The following C4orf50 variants were observed in gnomAD, a reference collection of about 807,000 sequenced individuals.
C4orf50 encodes uncharacterized protein C4orf50.
A neutral mutation model predicts 77.2 loss-of-function variants in C4orf50; 80 were observed. The observed-to-expected ratio is 1.04, with a 90% confidence interval of 0.87 to 1.25. C4orf50 has a LOEUF of 1.25. C4orf50 is among the 50% of genes most tolerant of loss of function. C4orf50 has a pLI of 0.00. For missense variants in C4orf50, 1,257 were observed against 1,152.9 expected (o/e 1.09, Z -1.31); for synonymous variants, 532 against 465.3 (o/e 1.14, Z -1.84).
At chr4:5,906,553 G>C (rs1012388365) in intron 7 of C4orf50, among the ~76,000 whole-genome samples, 2 of 152,108 alleles carry the variant, frequency 1.3e-5, no homozygotes, top group African/African-American at 4.8e-5. Context: ...GTGCAGAGAG[G>C]GACCCTAGGA....
chr4:5,962,876 T>A (rs1719347813), intron 33 of C4orf50, among the ~76,000 whole-genome samples: 1 of 152,170 alleles, frequency 6.6e-6, no homozygotes, highest in Non-Finnish European at 1.5e-5. Context: ...CCGCTCTACC[T>A]CCTCATACTT....
At chr4:5,999,163 C>T (rs1721722003) in intron 25 of C4orf50, among the ~76,000 whole-genome samples, 1 of 152,178 alleles carries the variant, frequency 6.6e-6, no homozygotes, top group African/African-American at 2.4e-5. Context: ...AGGAAACACA[C>T]TTTTATAATG....
intron 7 of C4orf50, among the ~76,000 whole-genome samples, chr4:5,918,163 G>A (rs575873022): frequency 1.8e-3 from 277 of 152,260 alleles, no homozygotes; most frequent in African/African-American, 6.0e-3. Context: ...AAGAGGAGGC[G>A]AGGTCATATC....
At chr4:5,925,032 G>T (rs893281514) in intron 7 of C4orf50, among the ~76,000 whole-genome samples, 1 of 152,044 alleles carries the variant, frequency 6.6e-6, no homozygotes, top group Admixed American at 6.5e-5. Flanking sequence ...GGGGCAGGAG[G>T]TTCGCAGTGG....
rs545379443 is a variant in C4orf50 at position 6,007,384 on chromosome 4, A to G, written c.963+612T>C. Among the ~76,000 whole-genome samples the G allele has an allele frequency of 1.3e-4, 20 of 152,122 alleles. No individual in the cohort carries two copies. The South Asian group carries it at 3.7e-3, about 28-fold the overall frequency. On this transcript the variant is annotated intron_variant, in intron 25 of 33. Transcript: ENST00000531445. The surrounding 1 kb of genome is among the most constrained non-coding windows in gnomAD (Gnocchi z 4.1). ...GGTATTAGTACCCTTACTAATTAGTACCCCAGAAGGCTCCCTCTCCCTCCT... is the reference window on the plus strand; with the variant it reads ...GGTATTAGTACCCTTACTAATTAGTGCCCCAGAAGGCTCCCTCTCCCTCCT...
intron 7 of C4orf50, among the ~76,000 whole-genome samples, chr4:5,938,861 C>T (rs1560552256): frequency 1.3e-5 from 2 of 151,876 alleles, no homozygotes; most frequent in Admixed American, 1.3e-4. Context: ...CCTAATCCTC[C>T]CAAGTTTGCT....
At chr4:5,913,880 G>T (rs1716915801) in intron 7 of C4orf50, among the ~76,000 whole-genome samples, 1 of 152,184 alleles carries the variant, frequency 6.6e-6, no homozygotes, top group Non-Finnish European at 1.5e-5. Context: ...TTCCCTTGGA[G>T]ACAATAATTC....
In C4orf50 at chr4:5,992,748, G is replaced by A. The variant is rs1290672135; in HGVS notation, c.1221+55C>T. On this transcript the variant is annotated intron_variant, in intron 27 of 33. Transcript: ENST00000531445. The surrounding 1 kb of genome is among the most constrained non-coding windows in gnomAD (Gnocchi z 5.0). ...GTGGCCACATAGCCTGCATGAGGCAGGGCTGAGGGGAACCAGTGGCACTGC... is the reference window on the plus strand; with the variant it reads ...GTGGCCACATAGCCTGCATGAGGCAAGGCTGAGGGGAACCAGTGGCACTGC... 1 of 398,994 alleles carries A rather than the reference G, an allele frequency of 2.5e-6. No individual in the cohort carries two copies. Among genetic ancestry groups the A allele is most frequent in the Non-Finnish European group, 4.4e-6 (1 of 226,118 alleles). 24.7% of individuals were successfully genotyped at this position (398,994 alleles called of 1,614,324 possible).
intron 25 of C4orf50, among the ~76,000 whole-genome samples, chr4:6,006,122 G>A (rs190747074): frequency 8.9e-4 from 136 of 152,202 alleles, no homozygotes; most frequent in African/African-American, 3.0e-3. Flanking sequence ...GTACAACAGC[G>A]AGAATAGGAG....
At chr4:5,906,486 A>G (rs1382929640) in intron 7 of C4orf50, among the ~76,000 whole-genome samples, 2 of 152,178 alleles carry the variant, frequency 1.3e-5, no homozygotes, top group East Asian at 3.9e-4. Flanking sequence ...TCAGTTTGCC[A>G]AGAAGAGCCT....
intron 7 of C4orf50, among the ~76,000 whole-genome samples, chr4:5,910,202 A>C (rs1236989745): frequency 6.6e-6 from 1 of 152,100 alleles, no homozygotes; most frequent in Non-Finnish European, 1.5e-5. Flanking sequence ...ACATAAAAAA[A>C]CCCCAAGAGA....
Position 5,990,299 on chromosome 4 carries a change from G to A in C4orf50, c.1747C>T (p.Gln583Ter). ...AAGCTCAGGTTCTGATGGCTTTCCT[G>A]ACTTAGCTGGTACTTGTCACCAAGG... Residue 583 changes from glutamine to a stop codon, truncating the protein, a stop_gained, in exon 28 of 34, where the codon CAG becomes TAG. Coordinates refer to ENST00000531445, the Ensembl canonical transcript of C4orf50. LOFTEE classifies it high-confidence loss of function. 6 of 1,104,486 alleles carry A rather than the reference G, an allele frequency of 5.4e-6. No homozygotes were observed. Among genetic ancestry groups the A allele is most frequent in the Non-Finnish European group, 5.7e-6 (5 of 871,352 alleles). The allele number at this position is 1,104,486 out of a possible 1,614,324, so 68.4% of individuals were successfully genotyped here. A position where few individuals can be genotyped will look rare whatever the true frequency, so the allele number is the denominator to read the frequency against.
rs756587757 is a variant in C4orf50, at chr4:6,005,613, G to T, written c.963+2383C>A. Among the ~76,000 whole-genome samples the T allele has an allele frequency of 3.9e-5, 6 of 152,286 alleles. No homozygotes were observed. In the South Asian group the frequency reaches 1.2e-3, roughly 32 times the overall value. ...ATACTTAACAGCTGGTGCCTGTGAT[G>T]ATGTCACTTAAACTCCCTGGGTCTC... On this transcript the variant is annotated intron_variant, in intron 25 of 33. Coordinates refer to ENST00000531445, the Ensembl canonical transcript of C4orf50.
At chr4:5,950,789 G>C (rs1016291791) in intron 7 of C4orf50, among the ~76,000 whole-genome samples, 5 of 152,098 alleles carry the variant, frequency 3.3e-5, no homozygotes, top group Non-Finnish European at 7.3e-5. Flanking sequence ...TTCTCTTCCT[G>C]ATGACTTGTT....
chr4:5,920,946 T>A (rs894611907), intron 7 of C4orf50, among the ~76,000 whole-genome samples: 1 of 148,712 alleles, frequency 6.7e-6, no homozygotes, highest in African/African-American at 2.4e-5. Context: ...AAGCCTCGGG[T>A]TGTACGATGC....
chr4:5,987,817 C>T (rs1720962674), intron 28 of C4orf50, among the ~76,000 whole-genome samples: 1 of 152,168 alleles, frequency 6.6e-6, no homozygotes, highest in Non-Finnish European at 1.5e-5. Context: ...TCCCAACAGT[C>T]AAGAACTGTC....
chr4:5,949,062 T>C (rs1022395429), intron 7 of C4orf50, among the ~76,000 whole-genome samples: 1 of 151,758 alleles, frequency 6.6e-6, no homozygotes, highest in Non-Finnish European at 1.5e-5. Context: ...AATAAAACCA[T>C]TGAATCTGGA....
rs529106151 is a variant in C4orf50, at chr4:5,933,536, G to A, written c.*2474+23365C>T. ...GACTCCACGCCAGTTACCTGCTCAGGTGGCTGGAGTCCCTGAGGGCTGGAG... is the reference window on the plus strand; with the variant it reads ...GACTCCACGCCAGTTACCTGCTCAGATGGCTGGAGTCCCTGAGGGCTGGAG... On this transcript the variant is annotated intron_variant, in intron 7 of 7. Transcript: ENST00000324058. Among the ~76,000 whole-genome samples, 4 of 152,282 alleles carry A rather than the reference G, an allele frequency of 2.6e-5. No individual in the cohort carries two copies. The East Asian group carries it at 7.7e-4, about 29-fold the overall frequency.
At chr4:5,954,635 G>A (rs1386340758), downstream of C4orf50, among the ~76,000 whole-genome samples, 1 of 152,112 alleles carries the variant, frequency 6.6e-6, no homozygotes, top group African/African-American at 2.4e-5. The surrounding 1 kb of genome is among the most constrained non-coding windows in gnomAD (Gnocchi z 4.7). Flanking sequence ...TGACGTGCCA[G>A]CCTGTATTCG....
Sources: gnomAD v4.1 joint callset for allele counts (sites outside exome capture counted in the v4.1 genomes callset) on GRCh38, gnomAD v4.1.1 for gene constraint, Gnocchi (gnomAD v3.1) non-coding constraint, MANE v1.5 for transcripts, NCBI Gene and HGNC (gene_info 2026-07-23, HGNC 2026-07-21) for gene names.